The following AGBL2 variants were observed in gnomAD, a reference collection of about 807,000 sequenced individuals.
AGBL2 encodes AGBL carboxypeptidase 2, also known as cytosolic carboxypeptidase 2.
AGBL2 carries 87 observed loss-of-function variants against 103.0 expected under a neutral mutation model. That is an observed-to-expected ratio of 0.84 (90% CI 0.71 to 1.01). The LOEUF (loss-of-function observed/expected upper bound fraction) is 1.01. Ranked by LOEUF, AGBL2 falls within the 50% of genes least tolerant of loss-of-function variation. The probability of loss-of-function intolerance (pLI) is 0.00; values close to 1 mark genes in which losing one functional copy is unlikely to be tolerated. For synonymous variants in AGBL2, 335 were observed against 356.7 expected (o/e 0.94, Z 0.69); for missense variants, 904 against 1,023.5 (o/e 0.88, Z 1.59).
rs149718719 is a variant in AGBL2, at chr11:47,677,372, C to T, written c.2046G>A (p.Glu682=). 21 of 1,609,470 alleles carry T rather than the reference C, an allele frequency of 1.3e-5. No homozygotes were observed. The African/African-American group carries it at 2.4e-4, about 18-fold the overall frequency. Residue 682 remains glutamate, a synonymous_variant, in exon 14 of 19, where the codon GAG becomes GAA. Transcript: ENST00000525123. ...KFTQCLAELK[E]LLRQEIHKKF... The stretch of plus-strand genomic sequence containing the variant: ...TCTTGTGGATTTCCTGTCGTAAAAG[C>T]TCCTTAAGCTCTGCTAGACACTGAG...
Position 47,690,082 on chromosome 11 carries a change from A to C in AGBL2, c.1625T>G (p.Ile542Ser). The change falls in exon 10 of 19, where the codon ATC (isoleucine) becomes AGC (serine). Residue 542 changes from isoleucine (I) to serine (S), a missense_variant. Ile to Ser is a moderately radical substitution (Grantham distance 142). Transcript: ENST00000525123. ...AACAGATAAAAAGTCTCACCTTTTG[A>C]TCATGTTCCTGGTGTACCAAATACA... The part of the protein sequence containing the change: ...FPCIWYTRNM[I>S]KRLLEEREVL... The C allele has an allele frequency of 6.2e-7, 1 of 1,601,964 alleles. No individual in the cohort carries two copies. Among genetic ancestry groups the C allele is most frequent in the Non-Finnish European group, 8.5e-7 (1 of 1,175,966 alleles).
chr11:47,691,729 A>AAAAAATATATATAT, intron 9 of AGBL2, among the ~76,000 whole-genome samples: 2 of 4,856 alleles, frequency 4.1e-4, no homozygotes, highest in Non-Finnish European at 7.3e-4. Context: ...AAAAAAAAAA[A>AAAAAATATATATAT]ATATATATAT....
chr11:47,667,654 A>C lies in AGBL2; in HGVS notation c.2257T>G (p.Ser753Ala). 6.2e-7 allele frequency: 1 copy of C among 1,612,996 alleles called. No individual in the cohort carries two copies. Among genetic ancestry groups the C allele is most frequent in the Non-Finnish European group, 8.5e-7 (1 of 1,179,770 alleles). ...TTTCGCTGTTTCCTAGTCTGAAGTGACTTCTTTTTTTTCTTCTTAAACATC... is the reference window on the plus strand; with the variant it reads ...TTTCGCTGTTTCCTAGTCTGAAGTGCCTTCTTTTTTTTCTTCTTAAACATC... Reference protein sequence around the residue: ...KKMFKKKKKKSLQTRKQRNEQ... With the variant: ...KKMFKKKKKKALQTRKQRNEQ... Residue 753 changes from serine (S) to alanine (A), a missense_variant, in exon 16 of 19, where the codon TCA (serine) becomes GCA (alanine). Physicochemically the swap from Ser to Ala is moderately conservative, Grantham distance 99. Transcript: ENST00000525123.
intron 3 of AGBL2, among the ~76,000 whole-genome samples, chr11:47,713,168 C>A (rs1268176408): frequency 6.6e-6 from 1 of 151,746 alleles, no homozygotes; most frequent in Non-Finnish European, 1.5e-5. Context: ...GTTGAAACCC[C>A]GTCTCTACTA....
rs1178344765 is a variant in AGBL2 at position 47,677,333 on chromosome 11, A to C, written c.2085T>G (p.Leu695=). The stretch of plus-strand genomic sequence containing the variant: ...TTCCTTCTAAATCTACATCTTGTCC[A>C]AGTTCATGGAATTTCTTGTGGATTT... The part of the protein sequence containing the change: ...RQEIHKKFHE[L]GQDVDLEGSW... Residue 695 remains leucine, a synonymous_variant, in exon 14 of 19, where the codon CTT becomes CTG. Transcript: ENST00000525123. The C allele has an allele frequency of 6.2e-7, 1 of 1,611,926 alleles. No individual in the cohort carries two copies. Among genetic ancestry groups the C allele is most frequent in the African/African-American group, 1.3e-5 (1 of 74,836 alleles).
intron 10 of AGBL2, 25 bp from the exon 11 acceptor site, chr11:47,686,074 T>G: frequency 1.2e-6 from 2 of 1,611,008 alleles, no homozygotes; most frequent in Non-Finnish European, 1.7e-6. Flanking sequence ...AACAAAGGAC[T>G]CAGTGGACAC....
chr11:47,699,743 G>T (rs187845044), intron 7 of AGBL2, among the ~76,000 whole-genome samples, 190 bp from the exon 8 acceptor site: 20 of 152,088 alleles, frequency 1.3e-4, no homozygotes, highest in Admixed American at 3.3e-4. Context: ...GACTTATGAG[G>T]ACACTTTTAA....
chr11:47,713,282 C>T (rs773226765), intron 3 of AGBL2, among the ~76,000 whole-genome samples: 142 of 145,960 alleles, frequency 9.7e-4, no homozygotes, highest in Non-Finnish European at 1.7e-3. Context: ...AGGTGGAGGT[C>T]GCAGTGAGCC....
intron 3 of AGBL2, 39 bp downstream of exon 3, chr11:47,714,245 G>T: frequency 6.5e-7 from 1 of 1,544,138 alleles, no homozygotes; most frequent in Non-Finnish European, 8.9e-7. Flanking sequence ...TTCCTCTTGA[G>T]TCCAGGAAAG....
At chr11:47,684,853 A>C (rs1272682944) in intron 11 of AGBL2, among the ~76,000 whole-genome samples, 1 of 152,150 alleles carries the variant, frequency 6.6e-6, no homozygotes, top group Non-Finnish European at 1.5e-5. Context: ...CTTGTCCTTC[A>C]ATCTCTTCTT....
At chr11:47,670,270 T>C (rs992705780) in intron 14 of AGBL2, among the ~76,000 whole-genome samples, 1 of 152,212 alleles carries the variant, frequency 6.6e-6, no homozygotes, top group Admixed American at 6.6e-5. Context: ...CATATGCATT[T>C]AATAAAGAAT....
At chr11:47,692,372 A>T in intron 8 of AGBL2, 116 bp from the exon 9 acceptor site, 2 of 546,886 alleles carry the variant, frequency 3.7e-6, no homozygotes, top group South Asian at 3.7e-5. Context: ...TGAAATTTCT[A>T]ATTTTCAACT....
At chr11:47,663,557 C>CTT (rs556139830) in intron 17 of AGBL2, among the ~76,000 whole-genome samples, 13 of 139,408 alleles carry the variant, frequency 9.3e-5, no homozygotes, top group Non-Finnish European at 1.6e-4. Flanking sequence ...TTATAGTATT[C>CTT]TTTTTTTTTT....
chr11:47,670,271 A>ATATTCAATATATAAACATATGC (rs2097353447), intron 14 of AGBL2, among the ~76,000 whole-genome samples: 1 of 152,210 alleles, frequency 6.6e-6, no homozygotes, highest in African/African-American at 2.4e-5. Context: ...ATATGCATTT[A>ATATTCAATATATAAACATATGC]ATAAAGAATC....
chr11:47,701,651 A>G (rs2153805002), intron 7 of AGBL2, among the ~76,000 whole-genome samples: 1 of 151,956 alleles, frequency 6.6e-6, no homozygotes, highest in Non-Finnish European at 1.5e-5. Context: ...TAGTGAGACC[A>G]TGTGTCTCTA....
intron 5 of AGBL2, 58 bp downstream of exon 5, chr11:47,705,806 T>TGAA: frequency 2.7e-6 from 4 of 1,480,444 alleles, no homozygotes; most frequent in Non-Finnish European, 3.8e-6. Context: ...CAGCAGGTGA[T>TGAA]GAAGACATAG....
chr11:47,705,719 CTAAA>C, intron 5 of AGBL2, 85 bp from the exon 6 acceptor site: 1 of 657,994 alleles, frequency 1.5e-6, no homozygotes, highest in Non-Finnish European at 2.7e-6. Context: ...AAAGGGGGAA[CTAAA>C]GGCTGAGGGT....
chr11:47,683,060 AAAGAG>A (rs890782325), intron 11 of AGBL2, among the ~76,000 whole-genome samples: 6 of 152,104 alleles, frequency 3.9e-5, no homozygotes, highest in South Asian at 2.1e-4. Context: ...AGAAAAGAAA[AAAGAG>A]AAGAGAAGAG....
chr11:47,697,217 C>T (rs1448541363), intron 8 of AGBL2, among the ~76,000 whole-genome samples: 2 of 151,764 alleles, frequency 1.3e-5, no homozygotes, highest in Non-Finnish European at 2.9e-5. Flanking sequence ...GTATGAGGCA[C>T]CACATCCAGC....
Sources: gnomAD v4.1 joint callset for allele counts (sites outside exome capture counted in the v4.1 genomes callset) on GRCh38, gnomAD v4.1.1 for gene constraint, MANE v1.5 for transcripts, NCBI Gene and HGNC (gene_info 2026-07-23, HGNC 2026-07-21) for gene names.